The following TBL1XR1 variants were observed in gnomAD, a reference collection of about 807,000 sequenced individuals.
TBL1XR1 encodes the protein TBL1X/Y related 1.
In TBL1XR1, 5 loss-of-function variants were observed where a neutral mutation model predicts 66.9. That is an observed-to-expected ratio of 0.07 (90% CI 0.04 to 0.16). TBL1XR1 has a LOEUF of 0.16. Among genes scored for constraint, TBL1XR1 ranks in the 10% least tolerant of loss-of-function variants. The probability of loss-of-function intolerance (pLI) is 1.00; values close to 1 mark genes in which losing one functional copy is unlikely to be tolerated. For missense variants in TBL1XR1, 238 were observed against 623.2 expected, an observed-to-expected ratio of 0.38 and a Z score of 6.58; for synonymous variants, 210 against 206.0, an observed-to-expected ratio of 1.02 and a Z score of -0.17.
chr3:177,186,959 G>T (rs1181441257), intron 1 of TBL1XR1, among the ~76,000 whole-genome samples: 1 of 152,074 alleles, frequency 6.6e-6, no homozygotes, highest in Non-Finnish European at 1.5e-5. Context: ...AAGGTCAGGA[G>T]ATCGAGACCA....
At chr3:177,182,989 A>G (rs898204989) in intron 1 of TBL1XR1, among the ~76,000 whole-genome samples, 6 of 152,182 alleles carry the variant, frequency 3.9e-5, no homozygotes, top group Non-Finnish European at 5.9e-5. Flanking sequence ...TTAAATTTAC[A>G]TTTAAGAGCA....
At chr3:177,112,105 A>T (rs1235803000) in intron 1 of TBL1XR1, among the ~76,000 whole-genome samples, 1,392 of 40,156 alleles carry the variant, frequency 0.035, 67 homozygotes, top group Non-Finnish European at 0.044. Flanking sequence ...ATATATATAT[A>T]TATTTTTTTT....
chr3:177,032,740 G>GA lies in TBL1XR1; in HGVS notation c.1416+230dup, dbSNP rs899511731. ...ACATCTGATATCTGCAAAACCGTTG[G>GA]AAAAAAACAAAAGAATACAATAATA... On this transcript the variant is annotated intron_variant, in intron 14 of 15. Transcript: ENST00000457928. 190 of 343,652 alleles carry GA rather than the reference G, an allele frequency of 5.5e-4. 2 individuals carry two copies. Among genetic ancestry groups the GA allele is most frequent in the Middle Eastern group, 3.2e-3 (4 of 1,252 alleles). 21.3% of individuals were successfully genotyped at this position (343,652 alleles called of 1,614,324 possible).
chr3:177,050,463 C>T lies in TBL1XR1; in HGVS notation c.560+15G>A, dbSNP rs897274685. 4 of 1,612,886 alleles carry T rather than the reference C, an allele frequency of 2.5e-6. No homozygotes were observed. In the African/African-American group the frequency reaches 4.0e-5, roughly 16 times the overall value. ...ATATTTTTAAGTCATTTTAGTATCACTTTGAGAAACATACCCTGATGCTAG... is the reference window on the plus strand; with the variant it reads ...ATATTTTTAAGTCATTTTAGTATCATTTTGAGAAACATACCCTGATGCTAG... On this transcript the variant is annotated intron_variant, in intron 6 of 15. Transcript: ENST00000457928.
intron 10 of TBL1XR1, among the ~76,000 whole-genome samples, chr3:177,042,862 A>T (rs916977378): frequency 1.3e-5 from 2 of 152,144 alleles, no homozygotes; most frequent in Non-Finnish European, 2.9e-5. Context: ...TTAAAAGAGA[A>T]GGAATGAACC....
intron 1 of TBL1XR1, among the ~76,000 whole-genome samples, chr3:177,178,642 T>C (rs1272532174): frequency 2.0e-5 from 3 of 150,898 alleles, no homozygotes; most frequent in Non-Finnish European, 4.4e-5. Flanking sequence ...AGGTCAGGAG[T>C]TCGAGACCAG....
chr3:177,064,423 T>C (rs1718897383), intron 3 of TBL1XR1, among the ~76,000 whole-genome samples: 1 of 152,218 alleles, frequency 6.6e-6, no homozygotes, highest in Non-Finnish European at 1.5e-5. Context: ...TAGTTGCAAA[T>C]GGCTTTCAAT....
intron 13 of TBL1XR1, among the ~76,000 whole-genome samples, 159 bp downstream of exon 13, chr3:177,034,039 T>C (rs919615906): frequency 6.6e-6 from 1 of 151,850 alleles, no homozygotes; most frequent in Non-Finnish European, 1.5e-5. Flanking sequence ...GAATTTATTC[T>C]TGTAGCCAAA....
chr3:177,059,655 C>T (rs1373069156), intron 3 of TBL1XR1, among the ~76,000 whole-genome samples: 1 of 152,070 alleles, frequency 6.6e-6, no homozygotes, highest in Admixed American at 6.6e-5. Context: ...CCTTCATAAA[C>T]CAAACTCTTG....
At chr3:177,157,589 C>A (rs1731670144) in intron 1 of TBL1XR1, among the ~76,000 whole-genome samples, 1 of 152,164 alleles carries the variant, frequency 6.6e-6, no homozygotes, top group Non-Finnish European at 1.5e-5. Context: ...GGCTCTTAAT[C>A]ACATGTGTAA....
At chr3:177,076,509 G>A (rs900496049) in intron 2 of TBL1XR1, among the ~76,000 whole-genome samples, 1 of 152,138 alleles carries the variant, frequency 6.6e-6, no homozygotes, top group Admixed American at 6.5e-5. Flanking sequence ...TGAGGTACTG[G>A]AGGTTAGGAC....
At chr3:177,155,721 T>C (rs1386177560) in intron 1 of TBL1XR1, among the ~76,000 whole-genome samples, 1 of 151,994 alleles carries the variant, frequency 6.6e-6, no homozygotes, top group Non-Finnish European at 1.5e-5. Context: ...TACACAAAAA[T>C]TATATCAGTT....
At chr3:177,168,351 G>A (rs960554580) in intron 1 of TBL1XR1, among the ~76,000 whole-genome samples, 9 of 150,876 alleles carry the variant, frequency 6.0e-5, no homozygotes, top group South Asian at 2.1e-4. Flanking sequence ...GTGCAATCTC[G>A]GCTCACTGCA....
chr3:177,107,098 G>A (rs1389629571), intron 1 of TBL1XR1, among the ~76,000 whole-genome samples: 1 of 151,504 alleles, frequency 6.6e-6, no homozygotes, highest in East Asian at 1.9e-4. Context: ...GAATGCAATA[G>A]GCCTCTTTAA....
chr3:177,099,052 A>G (rs1723855840), intron 1 of TBL1XR1, among the ~76,000 whole-genome samples: 1 of 152,024 alleles, frequency 6.6e-6, no homozygotes, highest in Non-Finnish European at 1.5e-5. Flanking sequence ...TATTCCACAA[A>G]CCGTTTGTGT....
chr3:177,070,842 T>C (rs554864878), intron 2 of TBL1XR1, among the ~76,000 whole-genome samples: 1 of 150,616 alleles, frequency 6.6e-6, no homozygotes, highest in African/African-American at 2.5e-5. Context: ...CAAGACTCCG[T>C]CTCAAAAAAA....
intron 2 of TBL1XR1, among the ~76,000 whole-genome samples, chr3:177,082,083 T>C (rs1474688522): frequency 6.6e-6 from 1 of 152,156 alleles, no homozygotes; most frequent in Non-Finnish European, 1.5e-5. Context: ...TACAACACAA[T>C]TTTCTCTAAG....
Position 177,192,497 on chromosome 3 carries a change from G to A in TBL1XR1, c.-122+4624C>T, listed in dbSNP as rs913643295. On this transcript the variant is annotated intron_variant, in intron 1 of 15. Coordinates refer to ENST00000457928, the MANE Select transcript of TBL1XR1 (RefSeq NM_024665.7). ...CCCAGATGACAGAATAGCAACAAAG[G>A]CATGCAAAAAAGATCCACCACCGTA... 5.2e-5 allele frequency among the ~76,000 whole-genome samples: 7 copies of A among 134,490 alleles called. No homozygotes were observed. In the East Asian group the frequency reaches 9.2e-4, roughly 18 times the overall value. The allele number at this position is 134,490 out of a possible 152,430, so 88.2% of individuals were successfully genotyped here. A position where few individuals can be genotyped will look rare whatever the true frequency, so the allele number is the denominator to read the frequency against.
intron 2 of TBL1XR1, among the ~76,000 whole-genome samples, chr3:177,066,921 T>C (rs1719240414): frequency 6.6e-6 from 1 of 152,136 alleles, no homozygotes; most frequent in Non-Finnish European, 1.5e-5. Flanking sequence ...ACCAAAAAAA[T>C]TAATTCAAAG....
Sources: allele counts gnomAD v4.1 joint callset (sites outside exome capture counted in the v4.1 genomes callset), GRCh38; gene constraint gnomAD v4.1.1; transcripts MANE v1.5; gene names NCBI Gene and HGNC (gene_info 2026-07-23, HGNC 2026-07-21).